ERBB4: variants seen among roughly 807,000 people sequenced by gnomAD.
The protein encoded by ERBB4 is erb-b2 receptor tyrosine kinase 4, also known as receptor tyrosine-protein kinase erbB-4.
In ERBB4, 42 loss-of-function variants were observed where a neutral mutation model predicts 158.0. The observed-to-expected ratio is 0.27, with a 90% confidence interval of 0.21 to 0.34. ERBB4 has a LOEUF of 0.34. Ranked by LOEUF, ERBB4 falls within the 10% of genes least tolerant of loss-of-function variation. The probability of loss-of-function intolerance (pLI) is 1.00; values close to 1 mark genes in which losing one functional copy is unlikely to be tolerated. For synonymous variants in ERBB4, 583 were observed against 558.7 expected (o/e 1.04, Z -0.61); for missense variants, 1,333 against 1,624.1 (o/e 0.82, Z 3.08).
At chr2:212,260,436 GACAA>G (rs2084897040) in intron 1 of ERBB4, among the ~76,000 whole-genome samples, 1 of 152,168 alleles carries the variant, frequency 6.6e-6, no homozygotes, top group Admixed American at 6.5e-5. Flanking sequence ...ATTCATAGAG[GACAA>G]ACATTTGGTC....
rs186381245 is a variant in ERBB4, at chr2:211,736,610, T to C, written c.623-11416A>G. On this transcript the variant is annotated intron_variant, in intron 5 of 27. Transcript: ENST00000342788. ...TTCAGGAATTTAGAGCCACTGGTGA[T>C]AAAATTTCCCTTTTCTGAAGTTTTA... Among the ~76,000 whole-genome samples, 355 of 152,310 alleles carry C rather than the reference T, an allele frequency of 2.3e-3. 1 individual carries two copies. Among genetic ancestry groups the C allele is most frequent in the African/African-American group, 8.1e-3 (338 of 41,566 alleles).
At chr2:211,445,006 C>G (rs2064074539) in intron 20 of ERBB4, among the ~76,000 whole-genome samples, 1 of 151,868 alleles carries the variant, frequency 6.6e-6, no homozygotes, top group South Asian at 2.1e-4. Context: ...TAATAAAAAG[C>G]ACGTAAAAAG....
At chr2:212,328,724 TCTC>T (rs1160074907) in intron 1 of ERBB4, among the ~76,000 whole-genome samples, 1 of 151,992 alleles carries the variant, frequency 6.6e-6, no homozygotes, top group African/African-American at 2.4e-5. Flanking sequence ...ATGCAAGAAA[TCTC>T]CTTTAGAGAC....
chr2:212,148,931 C>G (rs533684731), intron 1 of ERBB4, among the ~76,000 whole-genome samples: 40 of 118,030 alleles, frequency 3.4e-4, no homozygotes, highest in African/African-American at 1.2e-3. Context: ...AACCAAACAC[C>G]GCATATTCTC....
Position 212,349,289 on chromosome 2 carries a change from A to T in ERBB4, c.82+189160T>A, listed in dbSNP as rs1436619602. On this transcript the variant is annotated intron_variant, in intron 1 of 27. Transcript: ENST00000342788. ...AAACTAAGAGTTCAACTTCTTAATC[A>T]CACACACACACACACACACACACAC... Among the ~76,000 whole-genome samples the T allele has an allele frequency of 8.0e-4, 45 of 55,956 alleles. 1 individual carries two copies. Among genetic ancestry groups the T allele is most frequent in the Non-Finnish European group, 8.7e-5 (2 of 23,002 alleles). The allele number at this position is 55,956 out of a possible 152,430, so 36.7% of individuals were successfully genotyped here.
chr2:212,085,666 T>C (rs1575611447), intron 2 of ERBB4, among the ~76,000 whole-genome samples: 1 of 151,824 alleles, frequency 6.6e-6, no homozygotes, highest in East Asian at 1.9e-4. Flanking sequence ...ACTTTGAGAG[T>C]TGAGACTCTT....
At chr2:212,414,460 T>C (rs922255646) in intron 1 of ERBB4, among the ~76,000 whole-genome samples, 1 of 152,192 alleles carries the variant, frequency 6.6e-6, no homozygotes, top group Non-Finnish European at 1.5e-5. Flanking sequence ...GATCTTTCTC[T>C]AAGAATTCTG....
chr2:212,228,183 C>T (rs2083539617), intron 1 of ERBB4, among the ~76,000 whole-genome samples: 1 of 152,108 alleles, frequency 6.6e-6, no homozygotes, highest in African/African-American at 2.4e-5. Context: ...TAAAAATAAT[C>T]AACTTTGGCA....
intron 2 of ERBB4, among the ~76,000 whole-genome samples, chr2:212,041,263 C>T (rs1164363771): frequency 2.6e-5 from 4 of 151,976 alleles, no homozygotes; most frequent in Non-Finnish European, 4.4e-5. Context: ...CACTAGCTGC[C>T]AATGTTTAGT....
At chr2:211,915,005 G>A (rs1575369373) in intron 3 of ERBB4, among the ~76,000 whole-genome samples, 1 of 151,992 alleles carries the variant, frequency 6.6e-6, no homozygotes, top group African/African-American at 2.4e-5. Context: ...AAGATTTTTT[G>A]TTAGCAGGCA....
chr2:211,762,905 T>G (rs959619356), intron 4 of ERBB4, among the ~76,000 whole-genome samples: 1 of 152,192 alleles, frequency 6.6e-6, no homozygotes, highest in Non-Finnish European at 1.5e-5. Context: ...CCCACCATCA[T>G]TGTATCACTA....
At chr2:212,152,279 G>A (rs1490019563) in intron 1 of ERBB4, among the ~76,000 whole-genome samples, 1 of 152,044 alleles carries the variant, frequency 6.6e-6, no homozygotes. Context: ...TTATAAAAGG[G>A]AGTTATTAAT....
At chr2:212,116,223 A>G (rs569579833) in intron 2 of ERBB4, among the ~76,000 whole-genome samples, 11 of 151,508 alleles carry the variant, frequency 7.3e-5, no homozygotes, top group African/African-American at 2.4e-4. Flanking sequence ...TATATACTAT[A>G]CTTATATGTA....
At chr2:211,599,259 A>C (rs1261638907) in intron 19 of ERBB4, among the ~76,000 whole-genome samples, 2 of 152,166 alleles carry the variant, frequency 1.3e-5, no homozygotes, top group Non-Finnish European at 2.9e-5. Flanking sequence ...CAGGAACTGA[A>C]TGAAAGTCAT....
intron 2 of ERBB4, among the ~76,000 whole-genome samples, chr2:212,068,391 C>T (rs1042597208): frequency 1.1e-4 from 16 of 151,958 alleles, no homozygotes; most frequent in African/African-American, 2.4e-4. Context: ...CCAACACAGC[C>T]GACTAAAAAC....
intron 1 of ERBB4, among the ~76,000 whole-genome samples, chr2:212,450,821 G>GAAA (rs57931477): frequency 2.6e-4 from 24 of 92,838 alleles, no homozygotes; most frequent in African/African-American, 6.1e-4. Context: ...TTTCAGCCGA[G>GAAA]AAAAAAAAAA....
At chr2:211,496,678 G>C (rs1247585521) in intron 20 of ERBB4, among the ~76,000 whole-genome samples, 1 of 151,854 alleles carries the variant, frequency 6.6e-6, no homozygotes, top group East Asian at 1.9e-4. Flanking sequence ...CTCCCCTATA[G>C]CCTAATCTTA....
At chr2:211,955,275 T>C (rs1367267588) in intron 2 of ERBB4, among the ~76,000 whole-genome samples, 1 of 152,060 alleles carries the variant, frequency 6.6e-6, no homozygotes, top group Non-Finnish European at 1.5e-5. Flanking sequence ...ACTGGCCGCT[T>C]AGCCAGCTCT....
At chr2:211,758,513 G>A (rs1379056614) in intron 4 of ERBB4, among the ~76,000 whole-genome samples, 1 of 152,168 alleles carries the variant, frequency 6.6e-6, no homozygotes, top group East Asian at 1.9e-4. Flanking sequence ...CTAGCACAAA[G>A]TAGAATACAG....
Sources: allele counts gnomAD v4.1 joint callset (sites outside exome capture counted in the v4.1 genomes callset), GRCh38; gene constraint gnomAD v4.1.1; transcripts MANE v1.5; gene names NCBI Gene and HGNC (gene_info 2026-07-23, HGNC 2026-07-21).